The following NEK10 variants were observed in gnomAD, a reference collection of about 807,000 sequenced individuals.
NEK10 encodes the protein serine/threonine-protein kinase Nek10.
In NEK10, 122 loss-of-function variants were observed where a neutral mutation model predicts 159.8. The observed-to-expected ratio is 0.76, with a 90% CI of 0.66 to 0.89. The LOEUF (loss-of-function observed/expected upper bound fraction) is 0.89, where lower values mean the gene tolerates loss of function less well. NEK10 is among the 40% of genes least tolerant of loss of function. NEK10 has a pLI of 0.00. For synonymous variants in NEK10, 466 were observed against 457.1 expected, an observed-to-expected ratio of 1.02 and a Z score of -0.25; for missense variants, 1,342 against 1,323.1, an observed-to-expected ratio of 1.01 and a Z score of -0.22.
intron 6 of NEK10, among the ~76,000 whole-genome samples, chr3:27,321,184 A>G (rs1342414904): frequency 6.6e-6 from 1 of 152,184 alleles, no homozygotes; most frequent in Non-Finnish European, 1.5e-5. Flanking sequence ...AAAAGTGTTA[A>G]GTAAGCTTTT....
intron 23 of NEK10, among the ~76,000 whole-genome samples, chr3:27,243,855 G>GTC (rs2149269520): frequency 6.6e-6 from 1 of 151,822 alleles, no homozygotes; most frequent in Non-Finnish European, 1.5e-5. Flanking sequence ...GTGTGTGTGT[G>GTC]TGTGTGTGTC....
At chr3:27,138,722 G>A (rs556075608) in intron 31 of NEK10, among the ~76,000 whole-genome samples, 2 of 152,194 alleles carry the variant, frequency 1.3e-5, no homozygotes, top group African/African-American at 2.4e-5. Flanking sequence ...CCTTGGAACT[G>A]AGCCCAGTGC....
chr3:27,116,652 C>CTAT (rs201485712), intron 33 of NEK10, among the ~76,000 whole-genome samples: 1 of 151,734 alleles, frequency 6.6e-6, no homozygotes, highest in African/African-American at 2.4e-5. Flanking sequence ...TTTATTATTA[C>CTAT]TATTATTATT....
At chr3:27,260,888 T>A (rs1467310752) in intron 22 of NEK10, among the ~76,000 whole-genome samples, 7 of 152,178 alleles carry the variant, frequency 4.6e-5, no homozygotes, top group South Asian at 2.1e-4. Context: ...GATTATTGCC[T>A]CAATTTCAGA....
At chr3:27,310,812 G>T in intron 9 of NEK10, 137 bp downstream of exon 9, 1 of 525,420 alleles carries the variant, frequency 1.9e-6, no homozygotes. Flanking sequence ...GGTTGACAAA[G>T]ATCCACAATC....
chr3:27,297,438 C>A (rs985567205), intron 13 of NEK10, among the ~76,000 whole-genome samples, 198 bp from the exon 14 acceptor site: 2 of 152,174 alleles, frequency 1.3e-5, no homozygotes, highest in African/African-American at 4.8e-5. Context: ...TAATTCTCCT[C>A]CCCATGTAAT....
chr3:27,265,823 T>C (rs2040842677), intron 22 of NEK10: 1 of 150,854 alleles, frequency 6.6e-6, no homozygotes, highest in Admixed American at 6.6e-5. Flanking sequence ...TTTTTTTTTT[T>C]TGAGACAGAG....
chr3:27,204,134 G>A (rs983195265), intron 23 of NEK10, among the ~76,000 whole-genome samples: 49 of 152,152 alleles, frequency 3.2e-4, no homozygotes, highest in African/African-American at 1.2e-3. Context: ...AGATCACAAA[G>A]CACAAGCTGT....
chr3:27,172,756 T>C (rs997106852), intron 28 of NEK10, among the ~76,000 whole-genome samples: 2 of 152,078 alleles, frequency 1.3e-5, no homozygotes, highest in Non-Finnish European at 2.9e-5. Context: ...AAATATATTA[T>C]ATATCAGAAA....
chr3:27,253,719 G>C (rs1226297525), intron 23 of NEK10, among the ~76,000 whole-genome samples: 2 of 152,150 alleles, frequency 1.3e-5, no homozygotes, highest in African/African-American at 4.8e-5. Context: ...ACCCTGCAGG[G>C]AAGGGAAAGG....
Position 27,297,227 on chromosome 3 carries a change from G to A in NEK10, c.1182C>T (p.Ala394=), listed in dbSNP as rs750452414. Residue 394 remains alanine (A), a synonymous_variant, in exon 14 of 36, where the codon GCC becomes GCT. Transcript: ENST00000691995. ...TFSLQAACCA[A]LTELVLNDTN... is the part of the protein sequence containing the mutation. ...TGTCATTGAGCACCAGCTCAGTGAG[G>A]GCAGCACAGCAGGCTGGAATGACAA... 32 of 1,612,352 alleles carry A rather than the reference G, an allele frequency of 2.0e-5. No homozygotes were observed. Among genetic ancestry groups the A allele is most frequent in the Non-Finnish European group, 2.5e-5 (30 of 1,178,538 alleles).
chr3:27,161,498 C>A (rs1167808450), intron 30 of NEK10, among the ~76,000 whole-genome samples: 7 of 152,140 alleles, frequency 4.6e-5, no homozygotes, highest in Non-Finnish European at 1.0e-4. Context: ...GTGAAAATAG[C>A]ATTAAACAAT....
intron 29 of NEK10, 52 bp from the exon 30 acceptor site, chr3:27,162,790 C>A: frequency 6.2e-7 from 1 of 1,612,312 alleles, no homozygotes. Context: ...TTGGATTTGA[C>A]AAACTAAGAG....
intron 23 of NEK10, among the ~76,000 whole-genome samples, chr3:27,248,666 A>G (rs1559358895): frequency 1.3e-5 from 2 of 152,208 alleles, no homozygotes; most frequent in African/African-American, 2.4e-5. Context: ...AGAGTATCCA[A>G]TATTCCTCTT....
chr3:27,321,573 T>C (rs479404), intron 6 of NEK10, among the ~76,000 whole-genome samples: 56,735 of 152,056 alleles, frequency 0.37, 13,506 homozygotes, highest in African/African-American at 0.69. Flanking sequence ...CTCAGGAGGC[T>C]AAGGAGGGAG....
intron 23 of NEK10, among the ~76,000 whole-genome samples, chr3:27,230,440 G>A (rs1214150240): frequency 1.3e-5 from 2 of 151,926 alleles, no homozygotes; most frequent in East Asian, 3.9e-4. Flanking sequence ...ATCTCAGAGG[G>A]CCTATAAAAC....
intron 26 of NEK10, among the ~76,000 whole-genome samples, chr3:27,181,014 G>A (rs1013692061): frequency 2.0e-5 from 3 of 151,958 alleles, no homozygotes; most frequent in Non-Finnish European, 4.4e-5. Context: ...GCTGTTCCCC[G>A]AGCTTGGCAG....
chr3:27,363,502 A>T (rs1559566488), intron 1 of NEK10, among the ~76,000 whole-genome samples: 2 of 152,244 alleles, frequency 1.3e-5, no homozygotes, highest in African/African-American at 4.8e-5. Context: ...CTCCAAATAT[A>T]ACTGGAATAT....
chr3:27,124,014 T>TTG (rs375605018), intron 32 of NEK10, among the ~76,000 whole-genome samples: 8 of 151,350 alleles, frequency 5.3e-5, no homozygotes, highest in South Asian at 2.1e-4. Flanking sequence ...ATTTTCTGTG[T>TTG]TGTGTGTGTG....
Sources: allele counts gnomAD v4.1 joint callset (sites outside exome capture counted in the v4.1 genomes callset), GRCh38; gene constraint gnomAD v4.1.1; transcripts MANE v1.5; gene names NCBI Gene and HGNC (gene_info 2026-07-23, HGNC 2026-07-21).